PLA2G4E: variants seen among roughly 807,000 people sequenced by gnomAD.
The protein encoded by PLA2G4E is cytosolic phospholipase A2 epsilon.
Under a neutral mutation model 109.1 loss-of-function variants are expected in PLA2G4E, and 84 were observed. That is an observed-to-expected ratio of 0.77 (90% CI 0.65 to 0.92). The LOEUF is 0.92. Ranked by LOEUF, PLA2G4E falls within the 40% of genes least tolerant of loss-of-function variation. The pLI is 0.00. For synonymous variants in PLA2G4E, 469 were observed against 436.1 expected, an observed-to-expected ratio of 1.08 and a Z score of -0.94; for missense variants, 1,057 against 1,076.6, an observed-to-expected ratio of 0.98 and a Z score of 0.25.
At chr15:42,005,060 C>T (rs1358888115) in intron 4 of PLA2G4E, 82 bp from the exon 5 acceptor site, 38 of 1,523,782 alleles carry the variant, frequency 2.5e-5, no homozygotes, top group Middle Eastern at 1.7e-4. Context: ...CCCTGGGAGC[C>T]GCTGTGGACC....
chr15:42,002,264 C>CAAAAAAAAAAAAAAAAAAAAAAA (rs71108143), intron 6 of PLA2G4E, among the ~76,000 whole-genome samples: 6 of 73,216 alleles, frequency 8.2e-5, no homozygotes, highest in African/African-American at 3.1e-4. Flanking sequence ...GACCTTGTCT[C>CAAAAAAAAAAAAAAAAAAAAAAA]AAAAAAAAAA....
At chr15:41,984,894 G>A (rs1434315796) in intron 18 of PLA2G4E, among the ~76,000 whole-genome samples, 2 of 152,234 alleles carry the variant, frequency 1.3e-5, no homozygotes, top group African/African-American at 2.4e-5. Context: ...TTGGGTGGAT[G>A]TGGTGGGTAG....
At chr15:41,985,858 C>T (rs767108288) in exon 18 of PLA2G4E, 2 of 1,611,108 alleles carry the variant, frequency 1.2e-6, no homozygotes, top group Non-Finnish European at 1.7e-6. Flanking sequence ...GGACCCAGCA[C>T]AGTAGTTGAG....
At chr15:42,050,621 C>A in exon 1 of PLA2G4E, 1 of 1,550,606 alleles carries the variant, frequency 6.4e-7, no homozygotes, top group Non-Finnish European at 8.7e-7. Flanking sequence ...TGACCTGCTG[C>A]CTTCTTCATC....
intron 1 of PLA2G4E, among the ~76,000 whole-genome samples, chr15:42,020,327 T>C (rs1000784255): frequency 1.3e-5 from 2 of 152,206 alleles, no homozygotes; most frequent in South Asian, 2.1e-4. Flanking sequence ...GATTGAAGCA[T>C]TGAGGTCATC....
chr15:42,045,419 G>A (rs992434458), intron 1 of PLA2G4E, among the ~76,000 whole-genome samples: 1 of 152,194 alleles, frequency 6.6e-6, no homozygotes, highest in Non-Finnish European at 1.5e-5. Context: ...GAGATAGTAG[G>A]GAGCTGTTAG....
intron 4 of PLA2G4E, among the ~76,000 whole-genome samples, 197 bp downstream of exon 4, chr15:42,005,793 G>A (rs1320218628): frequency 3.9e-5 from 6 of 152,230 alleles, no homozygotes; most frequent in Admixed American, 3.9e-4. Flanking sequence ...TTGTAGATGA[G>A]GAAACAGAAA....
intron 19 of PLA2G4E, 67 bp downstream of exon 19, chr15:41,984,369 A>G: frequency 1.3e-6 from 2 of 1,483,624 alleles, no homozygotes; most frequent in Non-Finnish European, 1.8e-6. Context: ...TAGAGACTCT[A>G]CAGATCTAAA....
exon 12 of PLA2G4E, chr15:41,995,378 C>T: frequency 6.2e-7 from 1 of 1,613,478 alleles, no homozygotes. Flanking sequence ...CCCTGATAGA[C>T]CGGTGATGTA....
At chr15:41,988,600 G>C (rs1252252238) in intron 15 of PLA2G4E, among the ~76,000 whole-genome samples, 1 of 152,196 alleles carries the variant, frequency 6.6e-6, no homozygotes, top group Non-Finnish European at 1.5e-5. Context: ...TATAAGGTGG[G>C]TTTTACTCTT....
intron 3 of PLA2G4E, 26 bp from the exon 4 acceptor site, chr15:42,006,147 C>G (rs752782197): frequency 3.0e-5 from 49 of 1,612,248 alleles, no homozygotes; most frequent in Non-Finnish European, 3.9e-5. Context: ...GGATGCCAGT[C>G]TGGTTACCAC....
chr15:41,987,396 A>C, intron 16 of PLA2G4E, 21 bp from the exon 17 acceptor site: 1 of 1,607,872 alleles, frequency 6.2e-7, no homozygotes, highest in Non-Finnish European at 8.5e-7. Context: ...GGGAGGGATG[A>C]AGGGCAGGTC....
chr15:42,027,143 G>A (rs965226022), intron 1 of PLA2G4E, among the ~76,000 whole-genome samples: 6 of 152,122 alleles, frequency 3.9e-5, no homozygotes, highest in Admixed American at 3.9e-4. Context: ...CGAGACGCAC[G>A]CAGAACAACA....
chr15:41,985,958 G>C lies in PLA2G4E; in HGVS notation c.2083C>G (p.His695Asp), dbSNP rs752415052. Residue 695 changes from histidine (H) to aspartate (D), a missense_variant, in exon 18 of 20, where the codon CAC (histidine) becomes GAC (aspartate). By Grantham distance (81) the His-to-Asp change is moderately conservative. Transcript: ENST00000399518. ...AACGCAGTGTCCAGCAGGCACAGGT[G>C]GTTCGCGGACTCGGTCAGCTGGTTT... The C allele has an allele frequency of 2.5e-6, 4 of 1,604,906 alleles. No individual in the cohort carries two copies. In the South Asian group the frequency reaches 3.4e-5, roughly 14 times the overall value.
chr15:41,987,883 A>G (rs958352260), intron 16 of PLA2G4E, among the ~76,000 whole-genome samples, 166 bp downstream of exon 16: 12 of 150,996 alleles, frequency 7.9e-5, no homozygotes, highest in Non-Finnish European at 1.3e-4. Flanking sequence ...GCCATGAGGG[A>G]AAGCCGGGGG....
chr15:41,990,789 C>G (rs2141028044), intron 13 of PLA2G4E, among the ~76,000 whole-genome samples: 1 of 122,922 alleles, frequency 8.1e-6, no homozygotes, highest in South Asian at 2.9e-4. Flanking sequence ...GACTTGAACA[C>G]TAGATGGTTG....
intron 1 of PLA2G4E, among the ~76,000 whole-genome samples, chr15:42,015,946 C>T (rs1302057179): frequency 1.3e-5 from 2 of 152,208 alleles, no homozygotes; most frequent in African/African-American, 4.8e-5. Context: ...AGCCCCTTCG[C>T]TGAGAGTTTT....
At chr15:42,033,916 C>A (rs16972507) in intron 1 of PLA2G4E, among the ~76,000 whole-genome samples, 28,293 of 152,130 alleles carry the variant, frequency 0.19, 2,820 homozygotes, top group South Asian at 0.27. Flanking sequence ...CTCTCAACTG[C>A]TATTTCCCTC....
At chr15:42,004,418 A>AAGAC (rs1566841605) in intron 5 of PLA2G4E, among the ~76,000 whole-genome samples, 1 of 150,964 alleles carries the variant, frequency 6.6e-6, no homozygotes, top group Non-Finnish European at 1.5e-5. Context: ...AGAAGGAAGG[A>AAGAC]AGGCAGGCAG....
Sources: allele counts gnomAD v4.1 joint callset (sites outside exome capture counted in the v4.1 genomes callset), GRCh38; gene constraint gnomAD v4.1.1; transcripts MANE v1.5; gene names NCBI Gene and HGNC (gene_info 2026-07-23, HGNC 2026-07-21).